The following PTPRH variants were observed in gnomAD, a reference collection of about 807,000 sequenced individuals.
The protein encoded by PTPRH is receptor-type tyrosine-protein phosphatase H.
Under a neutral mutation model 130.2 loss-of-function variants are expected in PTPRH, and 113 were observed. That is an observed-to-expected ratio of 0.87 (90% CI 0.75 to 1.01). The LOEUF (loss-of-function observed/expected upper bound fraction) is 1.01. PTPRH is among the 50% of genes least tolerant of loss of function. The probability of loss-of-function intolerance (pLI) is 0.00; values close to 1 mark genes in which losing one functional copy is unlikely to be tolerated. For missense variants in PTPRH, 1,430 were observed against 1,425.0 expected (o/e 1.00, Z -0.06); for synonymous variants, 556 against 577.9 (o/e 0.96, Z 0.54).
Position 55,182,040 on chromosome 19 carries a change from A to C in PTPRH, c.3174T>G (p.Ser1058Arg), listed in dbSNP as rs1373387300. Reference sequence around the variant, plus strand: ...CCTCAGTCTGCACCATCAACGGCCGACTCTCTCTCATCTTCCTTACAAAGC... The same window carrying C: ...CCTCAGTCTGCACCATCAACGGCCGCCTCTCTCTCATCTTCCTTACAAAGC... Reference protein sequence around the residue: ...PFSFVRKMRESRPLMVQTEAQ... With the variant: ...PFSFVRKMRERRPLMVQTEAQ... The change falls in exon 19 of 20, where the codon AGT becomes AGG. Residue 1058 changes from serine to arginine, a missense_variant. By Grantham distance (110) the Ser-to-Arg change is moderately radical (BLOSUM62 -1). Transcript: ENST00000376350. The C allele has an allele frequency of 6.8e-6, 11 of 1,613,306 alleles. No individual in the cohort carries two copies. The highest frequency in any genetic ancestry group is 3.3e-5 in the South Asian group (3 of 91,046).
At chr19:55,184,272 G>A (rs150275447) in intron 18 of PTPRH, among the ~76,000 whole-genome samples, 2,614 of 151,350 alleles carry the variant, frequency 0.017, 81 homozygotes, top group African/African-American at 0.059. Flanking sequence ...CAACAAGAGC[G>A]AAACTCTGCC....
chr19:55,203,111 A>C (rs529655508), intron 5 of PTPRH, among the ~76,000 whole-genome samples: 6 of 151,500 alleles, frequency 4.0e-5, no homozygotes, highest in African/African-American at 7.3e-5. Context: ...GGTGGATCAC[A>C]AGGTCAGGAG....
rs781602925 is a variant in PTPRH, at chr19:55,185,935, C to A, written c.2828G>T (p.Gly943Val). 6.2e-7 allele frequency: 1 copy of A among 1,613,968 alleles called. No individual in the cohort carries two copies. Among genetic ancestry groups the A allele is most frequent in the African/African-American group, 1.3e-5 (1 of 74,908 alleles). The change falls in exon 17 of 20, where the codon GGG becomes GTG. Residue 943 changes from glycine to valine, a missense_variant. Physicochemically the swap from Gly to Val is moderately radical, Grantham distance 109 (BLOSUM62 -3). Coordinates refer to ENST00000376350, the MANE Select transcript of PTPRH (RefSeq NM_002842.5). ...ACCTACCAGGGTTACCCGCAGGTGC[C>A]CATGGGTGCAGGGCTGCGAGTCCAG... ...WPLDSQPCTHGHLRVTLVGEE... is the reference protein window; with the variant it reads ...WPLDSQPCTHVHLRVTLVGEE...
intron 2 of PTPRH, 71 bp downstream of exon 2, chr19:55,207,095 C>A: frequency 6.2e-7 from 1 of 1,600,670 alleles, no homozygotes; most frequent in South Asian, 1.1e-5. Flanking sequence ...CACGGGGACC[C>A]CCCAGAGGCT....
chr19:55,189,607 C>T, intron 12 of PTPRH: 1 of 445,042 alleles, frequency 2.2e-6, no homozygotes, highest in South Asian at 1.6e-5. Context: ...TGCTCGGCTC[C>T]TCTCCCACTT....
intron 10 of PTPRH, 131 bp from the exon 11 acceptor site, chr19:55,191,872 T>C (rs1002874427): frequency 1.2e-6 from 1 of 812,298 alleles, no homozygotes; most frequent in Non-Finnish European, 2.1e-6. Flanking sequence ...CATCACACGG[T>C]GTGAATTGCG....
At chr19:55,197,855 AC>A (rs2086734948) in intron 8 of PTPRH, among the ~76,000 whole-genome samples, 1 of 152,140 alleles carries the variant, frequency 6.6e-6, no homozygotes. Flanking sequence ...CTCTAGACAC[AC>A]CACGTTTGTA....
At chr19:55,189,971 G>A (rs2086477793) in intron 12 of PTPRH, among the ~76,000 whole-genome samples, 1 of 152,158 alleles carries the variant, frequency 6.6e-6, no homozygotes, top group South Asian at 2.1e-4. Context: ...TCCAGCCTGG[G>A]CCACAGAGTG....
In PTPRH at chr19:55,186,499, G is replaced by C. The variant is rs140285575; in HGVS notation, c.2608C>G (p.Pro870Ala). ...RVPLKPIHEE[P>A]GSDYINASFM... Reference sequence around the variant, plus strand: ...CTGGCATTGATGTAGTCAGAGCCTGGCTCCTCATGGATGGGCTTCAGGGGC... The same window carrying C: ...CTGGCATTGATGTAGTCAGAGCCTGCCTCCTCATGGATGGGCTTCAGGGGC... Residue 870 changes from proline to alanine, a missense_variant, in exon 15 of 20, where the codon CCA becomes GCA. By Grantham distance (27) the Pro-to-Ala change is conservative. Transcript: ENST00000376350. The C allele has an allele frequency of 3.1e-4, 502 of 1,609,820 alleles. No homozygotes were observed. Among genetic ancestry groups the C allele is most frequent in the Non-Finnish European group, 2.5e-4 (290 of 1,178,996 alleles).
intron 12 of PTPRH, among the ~76,000 whole-genome samples, chr19:55,190,551 ATATAT>A (rs979824427): frequency 9.0e-5 from 12 of 132,642 alleles, no homozygotes; most frequent in Admixed American, 2.5e-4. Flanking sequence ...ATAATATATA[ATATAT>A]TATATATATA....
Position 55,186,344 on chromosome 19 carries a change from G to A in PTPRH, c.2659C>T (p.Gln887Ter), listed in dbSNP as rs147881000. Reference sequence around the variant, plus strand: ...GGACCCTGGGTTGCAATGAACTCCTGGGGGCTCCAGAGACCCTGGTTGAGG... The same window carrying A: ...GGACCCTGGGTTGCAATGAACTCCTAGGGGCTCCAGAGACCCTGGTTGAGG... ...ASFMPGLWSP[Q>*]EFIATQGPLP... The change falls in exon 16 of 20, where the codon CAG becomes TAG. Residue 887 changes from glutamine (Q) to a stop codon, truncating the protein, a stop_gained. Coordinates refer to ENST00000376350, the MANE Select transcript of PTPRH (RefSeq NM_002842.5). LOFTEE classifies it high-confidence loss of function. 4,473 of 1,613,818 alleles carry A rather than the reference G, an allele frequency of 2.8e-3. 14 individuals are homozygous for A. The highest frequency in any genetic ancestry group is 8.1e-3 in the Middle Eastern group (49 of 6,058).
rs570511443 is a variant in PTPRH, at chr19:55,200,655, C to G, written c.1154-153G>C. 2.6e-5 allele frequency among the ~76,000 whole-genome samples: 4 copies of G among 152,278 alleles called. No individual in the cohort carries two copies. The South Asian group carries it at 8.3e-4, about 32-fold the overall frequency. On this transcript the variant is annotated intron_variant, in intron 6 of 19. Coordinates refer to ENST00000376350, the MANE Select transcript of PTPRH (RefSeq NM_002842.5). ...TATGTTCTAGACCGTGTTTCTCAGA[C>G]TAATGTGCCGGGCGTGGTGGCTCAC...
At position 55,205,432 on chromosome 19, in the gene PTPRH, A is replaced by G. The variant is rs2288516; in HGVS notation, c.513T>C (p.Thr171=). 0.42 allele frequency: 675,530 copies of G among 1,613,884 alleles called. 144,830 individuals are homozygous for G. The highest frequency in any genetic ancestry group is 0.6 in the African/African-American group (45,024 of 74,936). Residue 171 remains threonine, a synonymous_variant, in exon 4 of 20, where the codon ACT becomes ACC. Coordinates refer to ENST00000376350, the MANE Select transcript of PTPRH (RefSeq NM_002842.5). The stretch of plus-strand genomic sequence containing the variant: ...GTTCAAGTCCATCCACGGTGATGTT[A>G]GTGTGTGCTGTGCTTCGAGTCCCTG... The part of the protein sequence containing the change: ...GRAGTRSTAH[T]NITVDGLEPG...
chr19:55,199,569 C>T (rs1009221691), intron 7 of PTPRH, among the ~76,000 whole-genome samples: 4 of 151,510 alleles, frequency 2.6e-5, no homozygotes, highest in Admixed American at 2.0e-4. Flanking sequence ...TGTGCTATTG[C>T]ACTCCAGCCT....
chr19:55,194,242 C>T (rs1308914180), intron 10 of PTPRH: 2 of 1,289,758 alleles, frequency 1.6e-6, no homozygotes, highest in African/African-American at 1.5e-5. Flanking sequence ...TAGGCTCAAG[C>T]CTATGGCCCA....
At chr19:55,189,816 G>A (rs766508939) in intron 12 of PTPRH, 20 of 440,956 alleles carry the variant, frequency 4.5e-5, no homozygotes, top group South Asian at 9.5e-5. Context: ...CCACCCCCCC[G>A]ACCTCCATCT....
intron 6 of PTPRH, 76 bp from the exon 7 acceptor site, chr19:55,200,578 C>T (rs2086829040): frequency 6.8e-7 from 1 of 1,467,688 alleles, no homozygotes; most frequent in Admixed American, 1.9e-5. Context: ...CCCTCACTGC[C>T]CTCAACCATC....
intron 9 of PTPRH, 40 bp from the exon 10 acceptor site, chr19:55,196,828 G>T: frequency 6.3e-7 from 1 of 1,591,568 alleles, no homozygotes. Context: ...GCCATCCAAG[G>T]TGGCTTTCCA....
chr19:55,200,270 T>G lies in PTPRH; in HGVS notation c.1386A>C (p.Ala462=). The G allele has an allele frequency of 1.2e-6, 2 of 1,614,232 alleles. No homozygotes were observed. Among genetic ancestry groups the G allele is most frequent in the Non-Finnish European group, 1.7e-6 (2 of 1,180,036 alleles). ...TFSVWAEKNG[A]RGSRQNVSIS... ...TGCTGACATTCTGCCTGGAGCCACG[T>G]GCTCCATTTTTTTCTGCCCATACAG... Residue 462 remains alanine (A), a synonymous_variant, in exon 7 of 20, where the codon GCA becomes GCC. Coordinates refer to ENST00000376350, the MANE Select transcript of PTPRH (RefSeq NM_002842.5).
Sources: gnomAD v4.1 joint callset for allele counts (sites outside exome capture counted in the v4.1 genomes callset) on GRCh38, gnomAD v4.1.1 for gene constraint, MANE v1.5 for transcripts, NCBI Gene and HGNC (gene_info 2026-07-23, HGNC 2026-07-21) for gene names.